BCAS1: variants seen among roughly 807,000 people sequenced by gnomAD.
BCAS1 encodes the protein brain enriched myelin associated protein 1, also known as breast carcinoma-amplified sequence 1.
A neutral mutation model predicts 65.4 loss-of-function variants in BCAS1; 46 were observed. That is an observed-to-expected ratio of 0.70 (90% CI 0.55 to 0.90). The LOEUF (loss-of-function observed/expected upper bound fraction) is 0.90, where lower values mean the gene tolerates loss of function less well. Ranked by LOEUF, BCAS1 falls within the 40% of genes least tolerant of loss-of-function variation. BCAS1 has a pLI of 0.00. For missense variants in BCAS1, 793 were observed against 771.2 expected (o/e 1.03, Z -0.33); for synonymous variants, 298 against 293.5 (o/e 1.02, Z -0.16).
At chr20:53,988,756 C>A (rs1042806394) in intron 7 of BCAS1, among the ~76,000 whole-genome samples, 3 of 152,180 alleles carry the variant, frequency 2.0e-5, no homozygotes, top group Non-Finnish European at 2.9e-5. Flanking sequence ...TACAGGAAGA[C>A]ACTAATTTTT....
intron 6 of BCAS1, 151 bp downstream of exon 6, chr20:53,994,861 T>G (rs1447108303): frequency 1.8e-6 from 1 of 552,648 alleles, no homozygotes; most frequent in Non-Finnish European, 3.1e-6. Context: ...ACAGCACTAT[T>G]AAATTGCTAA....
At chr20:53,977,484 C>A (rs2090364084) in intron 8 of BCAS1, among the ~76,000 whole-genome samples, 1 of 152,198 alleles carries the variant, frequency 6.6e-6, no homozygotes, top group South Asian at 2.1e-4. Flanking sequence ...AACAGCACTT[C>A]TAGGTTTACA....
intron 7 of BCAS1, among the ~76,000 whole-genome samples, chr20:53,990,907 C>T (rs1371194925): frequency 6.6e-6 from 1 of 152,194 alleles, no homozygotes; most frequent in Non-Finnish European, 1.5e-5. Flanking sequence ...AGGCTGTTCC[C>T]GCGGCCTCTT....
At chr20:54,066,146 C>G (rs992216882) in intron 1 of BCAS1, among the ~76,000 whole-genome samples, 3 of 151,304 alleles carry the variant, frequency 2.0e-5, no homozygotes, top group African/African-American at 4.9e-5. Context: ...CATTTCGGCT[C>G]ACTGCAAGCT....
chr20:54,024,827 G>C (rs991121042), intron 4 of BCAS1, among the ~76,000 whole-genome samples: 3 of 152,194 alleles, frequency 2.0e-5, no homozygotes, highest in African/African-American at 7.2e-5. Flanking sequence ...GGTGATGGTA[G>C]GGAATTTGAA....
chr20:54,038,970 T>C lies in BCAS1; in HGVS notation c.143-9998A>G, dbSNP rs1394586961. 1.3e-5 allele frequency among the ~76,000 whole-genome samples: 2 copies of C among 151,300 alleles called. 1 individual carries two copies. Among genetic ancestry groups the C allele is most frequent in the Non-Finnish European group, 3.0e-5 (2 of 67,586 alleles). On this transcript the variant is annotated intron_variant, in intron 3 of 12. Transcript: ENST00000688948. ...ACACAGATCACCGAAGAAGGAAAAGTGGACAACACAACACAGTAAGTTCTT... is the reference window on the plus strand; with the variant it reads ...ACACAGATCACCGAAGAAGGAAAAGCGGACAACACAACACAGTAAGTTCTT...
At chr20:53,958,280 GC>G (rs1452785314) in intron 10 of BCAS1, among the ~76,000 whole-genome samples, 4 of 152,190 alleles carry the variant, frequency 2.6e-5, no homozygotes, top group African/African-American at 9.7e-5. Context: ...TTTTAACGGT[GC>G]ATTTAGTAAT....
At chr20:54,059,048 T>C (rs529284568) in intron 1 of BCAS1, among the ~76,000 whole-genome samples, 2 of 152,262 alleles carry the variant, frequency 1.3e-5, no homozygotes, top group African/African-American at 4.8e-5. Context: ...CAGATGCTTA[T>C]AAAACCATCA....
At chr20:53,956,475 C>T (rs1408611144) in intron 11 of BCAS1, among the ~76,000 whole-genome samples, 4 of 152,240 alleles carry the variant, frequency 2.6e-5, no homozygotes, top group Non-Finnish European at 5.9e-5. Context: ...GTTATGGCAG[C>T]CCGTGCTGAC....
At chr20:54,056,688 G>A (rs2092301664) in intron 3 of BCAS1, among the ~76,000 whole-genome samples, 1 of 152,080 alleles carries the variant, frequency 6.6e-6, no homozygotes, top group Non-Finnish European at 1.5e-5. Context: ...AGCAGCTACG[G>A]GATGAGACTA....
chr20:53,996,411 C>T (rs901185454), intron 4 of BCAS1, among the ~76,000 whole-genome samples: 5 of 149,272 alleles, frequency 3.3e-5, no homozygotes, highest in Non-Finnish European at 7.4e-5. Context: ...TGTACATTAT[C>T]CCCAGAGATG....
At chr20:54,005,118 T>A (rs2091152356) in intron 4 of BCAS1, among the ~76,000 whole-genome samples, 1 of 152,062 alleles carries the variant, frequency 6.6e-6, no homozygotes, top group Non-Finnish European at 1.5e-5. Flanking sequence ...CTTGGAGCCT[T>A]ATGGTGGATA....
intron 1 of BCAS1, among the ~76,000 whole-genome samples, chr20:54,062,285 T>C (rs1360327561): frequency 6.6e-6 from 1 of 152,154 alleles, no homozygotes; most frequent in Non-Finnish European, 1.5e-5. Context: ...ATTTGGTGAG[T>C]GCTTACCATC....
At chr20:53,987,162 T>C (rs896385354) in intron 7 of BCAS1, among the ~76,000 whole-genome samples, 3 of 152,222 alleles carry the variant, frequency 2.0e-5, no homozygotes. Context: ...ACACAACATC[T>C]TCTTTGCTGA....
At chr20:53,955,439 C>A (rs1310119833) in intron 11 of BCAS1, among the ~76,000 whole-genome samples, 3 of 152,228 alleles carry the variant, frequency 2.0e-5, no homozygotes, top group Non-Finnish European at 4.4e-5. Context: ...ACTCTCACCA[C>A]AATGCTCTTC....
intron 8 of BCAS1, 106 bp downstream of exon 8, chr20:53,985,181 G>A: frequency 8.9e-7 from 1 of 1,125,022 alleles, no homozygotes; most frequent in African/African-American, 1.6e-5. Flanking sequence ...TGAAGAAGAA[G>A]AAACACCTTC....
At position 54,040,893 on chromosome 20, in the gene BCAS1, T is replaced by C. The variant is rs1278056447; in HGVS notation, c.143-11921A>G. Among the ~76,000 whole-genome samples, 5 of 151,270 alleles carry C rather than the reference T, an allele frequency of 3.3e-5. 1 individual carries two copies. Among genetic ancestry groups the C allele is most frequent in the African/African-American group, 1.2e-4 (5 of 41,336 alleles). On this transcript the variant is annotated intron_variant, in intron 3 of 12. Coordinates refer to ENST00000688948, the MANE Select transcript of BCAS1 (RefSeq NM_001366298.2). ...ACAAAAACTTGTACACAAATGTCCA[T>C]AGCAGCATTTTCATAATAGCTGAAA...
Position 54,058,110 on chromosome 20 carries a change from G to A in BCAS1, c.117C>T (p.Thr39=), listed in dbSNP as rs751622193. The change falls in exon 3 of 13, where the codon ACC becomes ACT. Residue 39 remains threonine (T), a synonymous_variant. Transcript: ENST00000688948. Reference sequence around the variant, plus strand: ...CTTCCTCTAAGTGCTGAACTGTGTGGGTCGACACCACCACTGGAACCCCGT... The same window carrying A: ...CTTCCTCTAAGTGCTGAACTGTGTGAGTCGACACCACCACTGGAACCCCGT... ...ALNGVPVVVS[T]HTVQHLEEVD... 3 of 1,613,792 alleles carry A rather than the reference G, an allele frequency of 1.9e-6. No homozygotes were observed. In the South Asian group the frequency reaches 3.3e-5, roughly 18 times the overall value.
chr20:54,029,134 T>C (rs1453081586), intron 3 of BCAS1, 162 bp from the exon 4 acceptor site: 6 of 985,288 alleles, frequency 6.1e-6, no homozygotes, highest in Admixed American at 1.2e-4. Flanking sequence ...TACATCTCCT[T>C]GGACCCTGCT....
Sources: allele counts gnomAD v4.1 joint callset (sites outside exome capture counted in the v4.1 genomes callset), GRCh38; gene constraint gnomAD v4.1.1; transcripts MANE v1.5; gene names NCBI Gene and HGNC (gene_info 2026-07-23, HGNC 2026-07-21).